RORB: variants seen among roughly 807,000 people sequenced by gnomAD.
The protein encoded by RORB is RAR related orphan receptor B.
Under a neutral mutation model 59.1 loss-of-function variants are expected in RORB, and 6 were observed. The ratio of observed to expected loss-of-function variants is 0.10; its 90% CI spans 0.06 to 0.20. The LOEUF (loss-of-function observed/expected upper bound fraction) is 0.20. Among genes scored for constraint, RORB ranks in the 10% least tolerant of loss-of-function variants. The pLI is 1.00. For missense variants in RORB, 320 were observed against 560.5 expected, an observed-to-expected ratio of 0.57 and a Z score of 4.33; for synonymous variants, 215 against 204.5, an observed-to-expected ratio of 1.05 and a Z score of -0.44.
At chr9:74,549,392 C>T (rs1167381148) in intron 1 of RORB, among the ~76,000 whole-genome samples, 1 of 143,754 alleles carries the variant, frequency 7.0e-6, no homozygotes. Context: ...TGCAGTGAGC[C>T]GAGGTCGCAT....
At chr9:74,577,069 T>C (rs576465745) in intron 1 of RORB, among the ~76,000 whole-genome samples, 18 of 152,096 alleles carry the variant, frequency 1.2e-4, no homozygotes, top group African/African-American at 1.7e-4. Flanking sequence ...ACTGCATGTG[T>C]GTGTCTATGT....
intron 3 of RORB, among the ~76,000 whole-genome samples, chr9:74,638,215 CT>C (rs1182131526): frequency 6.6e-6 from 1 of 152,142 alleles, no homozygotes; most frequent in Non-Finnish European, 1.5e-5. Context: ...GTTGGGCTCT[CT>C]TGAAACCAAA....
intron 1 of RORB, among the ~76,000 whole-genome samples, chr9:74,616,969 C>A (rs1029965721): frequency 6.7e-6 from 1 of 149,498 alleles, no homozygotes; most frequent in South Asian, 2.2e-4. Flanking sequence ...AAATGAATAT[C>A]CCAAATTAAA....
intron 4 of RORB, among the ~76,000 whole-genome samples, chr9:74,643,830 C>T (rs1823851476): frequency 6.6e-6 from 1 of 152,190 alleles, no homozygotes; most frequent in Admixed American, 6.5e-5. Context: ...AAGAACTGTG[C>T]TACCTGAGTT....
At chr9:74,588,138 G>A (rs1337230625) in intron 1 of RORB, among the ~76,000 whole-genome samples, 1 of 152,026 alleles carries the variant, frequency 6.6e-6, no homozygotes, top group East Asian at 1.9e-4. Flanking sequence ...GGGAAATGGT[G>A]GCGAGAAGAG....
chr9:74,604,677 T>C (rs1414063173), intron 1 of RORB, among the ~76,000 whole-genome samples: 2 of 152,240 alleles, frequency 1.3e-5, no homozygotes, highest in African/African-American at 2.4e-5. Flanking sequence ...TTATTTCTAC[T>C]TGGCAATTTT....
chr9:74,547,900 A>G (rs1028769517), intron 1 of RORB, among the ~76,000 whole-genome samples: 2 of 152,228 alleles, frequency 1.3e-5, no homozygotes, highest in Non-Finnish European at 2.9e-5. Flanking sequence ...AAATAGGCTG[A>G]AAGGAGGCAA....
intron 1 of RORB, among the ~76,000 whole-genome samples, chr9:74,554,578 A>G (rs932542347): frequency 3.6e-5 from 1 of 27,872 alleles, no homozygotes; most frequent in Non-Finnish European, 7.2e-5. Flanking sequence ...GAATAACTTA[A>G]AAAAAAAAAA....
chr9:74,638,203 C>A (rs947566168), intron 3 of RORB, among the ~76,000 whole-genome samples: 4 of 152,160 alleles, frequency 2.6e-5, no homozygotes, highest in Non-Finnish European at 4.4e-5. Context: ...GATTGATAGT[C>A]AGTTGGGCTC....
At chr9:74,620,249 C>T (rs536762498) in intron 1 of RORB, among the ~76,000 whole-genome samples, 1 of 152,288 alleles carries the variant, frequency 6.6e-6, no homozygotes. Flanking sequence ...AGGAATTCAA[C>T]TTCTTCCTGG....
intron 1 of RORB, among the ~76,000 whole-genome samples, chr9:74,580,576 C>T (rs1451909200): frequency 2.6e-5 from 4 of 151,982 alleles, no homozygotes; most frequent in Admixed American, 2.6e-4. Context: ...CACTGCAGTG[C>T]CCCAAAAATA....
chr9:74,678,413 T>TA (rs972179293), intron 9 of RORB, among the ~76,000 whole-genome samples: 1 of 152,132 alleles, frequency 6.6e-6, no homozygotes, highest in Non-Finnish European at 1.5e-5. Context: ...GTTTCTAGCA[T>TA]AAAGATAACA....
chr9:74,597,785 C>A (rs1393499482), intron 1 of RORB, among the ~76,000 whole-genome samples: 1 of 151,952 alleles, frequency 6.6e-6, no homozygotes, highest in Non-Finnish European at 1.5e-5. Flanking sequence ...ATGGAGAAAC[C>A]CCGTCTCTAC....
At chr9:74,541,045 C>A (rs1826398559) in intron 1 of RORB, among the ~76,000 whole-genome samples, 1 of 151,922 alleles carries the variant, frequency 6.6e-6, no homozygotes, top group Non-Finnish European at 1.5e-5. Flanking sequence ...CTTTAGGAGG[C>A]CAAGGCGGGT....
intron 1 of RORB, among the ~76,000 whole-genome samples, chr9:74,532,491 C>A (rs1826256735): frequency 6.6e-6 from 1 of 151,888 alleles, no homozygotes. Flanking sequence ...AGCTATACAT[C>A]ATACTCTTTA....
intron 1 of RORB, among the ~76,000 whole-genome samples, chr9:74,611,392 T>C (rs1321506832): frequency 6.6e-6 from 1 of 152,198 alleles, no homozygotes; most frequent in East Asian, 1.9e-4. Context: ...AACTTCCTTG[T>C]TCCTACACTT....
At chr9:74,624,434 C>A (rs1053800776) in intron 1 of RORB, among the ~76,000 whole-genome samples, 1 of 152,204 alleles carries the variant, frequency 6.6e-6, no homozygotes, top group Non-Finnish European at 1.5e-5. Flanking sequence ...AATCCAATAA[C>A]AGGAATCTTT....
At chr9:74,564,031 G>C (rs528776647) in intron 1 of RORB, among the ~76,000 whole-genome samples, 1 of 152,328 alleles carries the variant, frequency 6.6e-6, no homozygotes, top group Admixed American at 6.5e-5. Flanking sequence ...TAATATGCCT[G>C]TTTCTCATTT....
At chr9:74,545,899 A>G (rs7037043) in intron 1 of RORB, among the ~76,000 whole-genome samples, 60,609 of 152,004 alleles carry the variant, frequency 0.4, 12,618 homozygotes, top group East Asian at 0.82. Context: ...GGGCAATGGC[A>G]CAGTCAATAT....
Sources: gnomAD v4.1 joint callset for allele counts (sites outside exome capture counted in the v4.1 genomes callset) on GRCh38, gnomAD v4.1.1 for gene constraint, MANE v1.5 for transcripts, NCBI Gene and HGNC (gene_info 2026-07-23, HGNC 2026-07-21) for gene names.